FAM227B: variants seen among roughly 807,000 people sequenced by gnomAD.
FAM227B encodes protein FAM227B.
A neutral mutation model predicts 73.8 loss-of-function variants in FAM227B; 88 were observed. That is an observed-to-expected ratio of 1.19 (90% CI 1.00 to 1.42). FAM227B has a LOEUF of 1.42. FAM227B is among the 40% of genes most tolerant of loss of function. The pLI, the probability that FAM227B is intolerant of heterozygous loss-of-function variation, is 0.00. For synonymous variants in FAM227B, 210 were observed against 190.5 expected, an observed-to-expected ratio of 1.10 and a Z score of -0.84; for missense variants, 632 against 590.9, an observed-to-expected ratio of 1.07 and a Z score of -0.72.
chr15:49,609,434 A>T (rs1380702190), intron 3 of FAM227B, among the ~76,000 whole-genome samples: 1 of 151,958 alleles, frequency 6.6e-6, no homozygotes, highest in Non-Finnish European at 1.5e-5. Flanking sequence ...AAGATTAAGT[A>T]GAAGACAAGA....
chr15:49,328,603 TTGATGATGGTGATGATGATGA>T lies in FAM227B; in HGVS notation c.1471_1491del (p.Ser491_Ser497del), dbSNP rs746374746. The T allele has an allele frequency of 6.7e-5, 107 of 1,594,582 alleles. No homozygotes were observed. The highest frequency in any genetic ancestry group is 9.0e-5 in the Non-Finnish European group (105 of 1,167,416). ...TCTTCCTCAAAGTTGTAGTTGTCTG[TTGATGATGGTGATGATGATGA>T]TGATGACGATAGTGATGCCACACAT... On this transcript the variant is annotated inframe_deletion, in exon 16 of 16. Coordinates refer to ENST00000299338, the MANE Select transcript of FAM227B (RefSeq NM_152647.3).
chr15:49,591,036 T>TTG (rs2076513528), intron 3 of FAM227B, among the ~76,000 whole-genome samples: 3 of 133,832 alleles, frequency 2.2e-5, no homozygotes, highest in Non-Finnish European at 4.8e-5. Flanking sequence ...TTTGTTTTTT[T>TTG]TTTTTTTGAT....
chr15:49,463,474 C>T (rs1407345084), intron 11 of FAM227B, among the ~76,000 whole-genome samples: 3 of 150,600 alleles, frequency 2.0e-5, no homozygotes, highest in South Asian at 4.2e-4. Context: ...TCACTGGAAC[C>T]CGGAAGGCAG....
At chr15:49,563,838 C>A (rs926483257) in intron 9 of FAM227B, among the ~76,000 whole-genome samples, 4 of 152,150 alleles carry the variant, frequency 2.6e-5, no homozygotes, top group African/African-American at 9.7e-5. Flanking sequence ...CAAAGATTGA[C>A]TCAAGATGGA....
At chr15:49,427,204 T>A (rs181441906) in intron 11 of FAM227B, among the ~76,000 whole-genome samples, 1 of 151,990 alleles carries the variant, frequency 6.6e-6, no homozygotes, top group Admixed American at 6.6e-5. Context: ...TATTAGGAAA[T>A]CTAGGTTCAA....
intron 11 of FAM227B, among the ~76,000 whole-genome samples, chr15:49,382,434 A>T (rs2046600291): frequency 6.6e-6 from 1 of 152,130 alleles, no homozygotes; most frequent in Non-Finnish European, 1.5e-5. Flanking sequence ...ACTGTTTAGG[A>T]AAAAGTAAAT....
chr15:49,611,507 A>G (rs2077915109), intron 2 of FAM227B, among the ~76,000 whole-genome samples: 2 of 152,280 alleles, frequency 1.3e-5, no homozygotes, highest in South Asian at 4.1e-4. Context: ...CACTAGCCCT[A>G]GAGAAAAACT....
chr15:49,453,359 C>T (rs992605007), intron 11 of FAM227B, among the ~76,000 whole-genome samples: 1 of 152,126 alleles, frequency 6.6e-6, no homozygotes, highest in African/African-American at 2.4e-5. Flanking sequence ...TCACCTCCGC[C>T]TCCCAAAGTG....
intron 10 of FAM227B, among the ~76,000 whole-genome samples, chr15:49,511,146 T>C (rs558138017): frequency 2.8e-4 from 42 of 152,134 alleles, no homozygotes; most frequent in Non-Finnish European, 5.3e-4. Context: ...GCTTTCTCTC[T>C]GTTTTCTCTT....
intron 9 of FAM227B, among the ~76,000 whole-genome samples, chr15:49,561,857 A>G (rs1014631469): frequency 3.2e-4 from 48 of 152,304 alleles, no homozygotes; most frequent in African/African-American, 1.1e-3. Context: ...CAATGTTAAG[A>G]GCAAAGTTGA....
chr15:49,426,828 A>G (rs185029139), intron 11 of FAM227B, among the ~76,000 whole-genome samples: 225 of 152,074 alleles, frequency 1.5e-3, no homozygotes, highest in African/African-American at 5.1e-3. Flanking sequence ...TACTTCTATA[A>G]ACTTTTTAAT....
intron 11 of FAM227B, among the ~76,000 whole-genome samples, chr15:49,504,358 T>C (rs2152102667): frequency 6.6e-6 from 1 of 151,576 alleles, no homozygotes; most frequent in Non-Finnish European, 1.5e-5. Context: ...CACACCAACA[T>C]GGCACATGTA....
chr15:49,468,670 C>T (rs532635607), intron 11 of FAM227B, among the ~76,000 whole-genome samples: 1 of 152,236 alleles, frequency 6.6e-6, no homozygotes, highest in East Asian at 1.9e-4. Context: ...TTGTGTTGCC[C>T]CTTCAAAGTG....
chr15:49,373,199 C>T (rs1378077698), intron 11 of FAM227B, among the ~76,000 whole-genome samples: 3 of 151,858 alleles, frequency 2.0e-5, no homozygotes, highest in African/African-American at 7.3e-5. Context: ...TTTCAAATCA[C>T]CTGAGCTTAA....
intron 11 of FAM227B, among the ~76,000 whole-genome samples, chr15:49,403,303 C>T (rs973072814): frequency 2.6e-5 from 4 of 152,172 alleles, no homozygotes; most frequent in African/African-American, 9.7e-5. Context: ...GGAGGGGTCC[C>T]TCCTTTGCAA....
intron 5 of FAM227B, 122 bp downstream of exon 5, chr15:49,587,894 G>C: frequency 1.2e-6 from 1 of 845,016 alleles, no homozygotes; most frequent in Non-Finnish European, 1.6e-6. Context: ...GAGATAGATT[G>C]GTAACAGTAG....
rs988155813 is a variant in FAM227B, at chr15:49,537,472, T to G, written c.874+4208A>C. On this transcript the variant is annotated intron_variant, in intron 10 of 15. Coordinates refer to ENST00000299338, the MANE Select transcript of FAM227B (RefSeq NM_152647.3). ...CCCTTGTACACTACTGGTAAGAATG[T>G]AGACTGGTGCAGCTATTGAGGAAAA... Among the ~76,000 whole-genome samples, 5 of 152,272 alleles carry G rather than the reference T, an allele frequency of 3.3e-5. No homozygotes were observed. The East Asian group carries it at 9.6e-4, about 29-fold the overall frequency.
chr15:49,521,811 A>G (rs530211811), intron 10 of FAM227B, among the ~76,000 whole-genome samples: 24 of 152,298 alleles, frequency 1.6e-4, no homozygotes, highest in Admixed American at 2.6e-4. Flanking sequence ...ATGATAGGAA[A>G]GCAAATTATA....
intron 11 of FAM227B, among the ~76,000 whole-genome samples, chr15:49,464,962 A>G (rs2054131972): frequency 6.6e-6 from 1 of 152,232 alleles, no homozygotes; most frequent in South Asian, 2.1e-4. Flanking sequence ...TATTAAGGTG[A>G]TAATAAACAC....
Sources: gnomAD v4.1 joint callset for allele counts (sites outside exome capture counted in the v4.1 genomes callset) on GRCh38, gnomAD v4.1.1 for gene constraint, MANE v1.5 for transcripts, NCBI Gene and HGNC (gene_info 2026-07-23, HGNC 2026-07-21) for gene names.